NLRP8: variants seen among roughly 807,000 people sequenced by gnomAD.
The protein encoded by NLRP8 is NACHT, LRR and PYD domains-containing protein 8.
NLRP8 carries 86 observed loss-of-function variants against 88.7 expected under a neutral mutation model. The ratio of observed to expected loss-of-function variants is 0.97; its 90% CI spans 0.81 to 1.16. NLRP8 has a LOEUF of 1.16. Ranked by LOEUF, NLRP8 falls within the 50% of genes most tolerant of loss-of-function variation. The pLI is 0.00. For synonymous variants in NLRP8, 504 were observed against 494.6 expected (o/e 1.02, Z -0.25); for missense variants, 1,342 against 1,286.5 (o/e 1.04, Z -0.66).
Position 55,948,245 on chromosome 19 carries a change from G to A in NLRP8, c.343G>A (p.Val115Ile). 1 of 1,613,652 alleles carries A rather than the reference G, an allele frequency of 6.2e-7. No homozygotes were observed. The highest frequency in any genetic ancestry group is 8.5e-7 in the Non-Finnish European group (1 of 1,179,636). The change falls in exon 1 of 10, where the codon GTT becomes ATT. Residue 115 changes from valine (V) to isoleucine (I), a missense_variant. Physicochemically the swap from Val to Ile is conservative, Grantham distance 29. Transcript: ENST00000291971. ...CATTATGAACTGTGATAAAATGTGT[G>A]TTGTAGTCCGCAGAGAGATAAATGG... is the stretch of plus-strand genomic sequence containing the variant.
intron 3 of NLRP8, among the ~76,000 whole-genome samples, chr19:55,960,899 T>C (rs995669685): frequency 1.6e-4 from 8 of 49,720 alleles, no homozygotes; most frequent in Middle Eastern, 0.022. Flanking sequence ...CTATTTCTCT[T>C]TTTTTTTTTT....
chr19:55,987,812 A>T lies in NLRP8; in HGVS notation c.3048-2A>T, dbSNP rs770107179. The T allele has an allele frequency of 6.2e-7, 1 of 1,612,300 alleles. No homozygotes were observed. The highest frequency in any genetic ancestry group is 8.5e-7 in the Non-Finnish European group (1 of 1,178,514). Reference sequence around the variant, plus strand: ...CAGCAGCCTTCCTTTACCTCCCTCCAGCTGTATTCCTGCCTGGACTCGAAT... The same window carrying T: ...CAGCAGCCTTCCTTTACCTCCCTCCTGCTGTATTCCTGCCTGGACTCGAAT... On this transcript the variant is annotated splice_acceptor_variant, in intron 9 of 9. Coordinates refer to ENST00000291971, the MANE Select transcript of NLRP8 (RefSeq NM_176811.2). LOFTEE classifies it high-confidence loss of function.
chr19:55,961,987 G>A lies in NLRP8; in HGVS notation c.2043-80G>A, dbSNP rs564446205. The A allele has an allele frequency of 1.0e-5, 15 of 1,454,448 alleles. No homozygotes were observed. In the South Asian group the frequency reaches 1.9e-4, roughly 19 times the overall value. The allele number at this position is 1,454,448 out of a possible 1,614,324, so 90.1% of individuals were successfully genotyped here. On this transcript the variant is annotated intron_variant, in intron 3 of 9. Transcript: ENST00000291971. The stretch of plus-strand genomic sequence containing the variant: ...GGCCTATGGCCCTAACCAGGATAGG[G>A]AACACCAGCCCTGGGGTTTCCTAGT...
At chr19:55,956,140 C>T (rs754970152) in intron 3 of NLRP8, 40 bp downstream of exon 3, 19 of 1,567,810 alleles carry the variant, frequency 1.2e-5, no homozygotes, top group African/African-American at 5.5e-5. Context: ...CCGTCCTACC[C>T]GGAGGCCTTG....
rs74720960 is a variant in NLRP8 at position 55,973,923 on chromosome 19, C to A, written c.2705+101C>A. On this transcript the variant is annotated intron_variant, in intron 7 of 9. Transcript: ENST00000291971. ...ATTTATGTCACATATTTATTAAGTG[C>A]CTACTGCGTGTTAGGCATGGTGCTA... 1.2e-3 allele frequency: 1,420 copies of A among 1,182,938 alleles called. 25 individuals are homozygous for A. The East Asian group carries it at 0.032, about 26-fold the overall frequency. The allele number at this position is 1,182,938 out of a possible 1,614,324, so 73.3% of individuals were successfully genotyped here.
chr19:55,988,280 A>G lies in NLRP8; in HGVS notation c.*367A>G, dbSNP rs1454578072. On this transcript the variant is annotated 3_prime_UTR_variant, in exon 10 of 10. Coordinates refer to ENST00000291971, the MANE Select transcript of NLRP8 (RefSeq NM_176811.2). ...CGTGGTGGTGGGCTCCTGTAATCCCAGCTGCTCGGGAGGCTGAGGCAGGAG... is the reference window on the plus strand; with the variant it reads ...CGTGGTGGTGGGCTCCTGTAATCCCGGCTGCTCGGGAGGCTGAGGCAGGAG... 1 of 163,426 alleles carries G rather than the reference A, an allele frequency of 6.1e-6. No homozygotes were observed. Among genetic ancestry groups the G allele is most frequent in the Non-Finnish European group, 1.3e-5 (1 of 75,392 alleles). The allele number at this position is 163,426 out of a possible 1,614,324, so 10.1% of individuals were successfully genotyped here.
intron 1 of NLRP8, among the ~76,000 whole-genome samples, chr19:55,950,777 C>A (rs80121358): frequency 0.042 from 6,439 of 152,200 alleles, 456 homozygotes; most frequent in African/African-American, 0.14. Flanking sequence ...ATAATCCCAG[C>A]AGTCTGAAAG....
chr19:55,987,819 T>C lies in NLRP8; in HGVS notation c.3053T>C (p.Ile1018Thr), dbSNP rs773968939. ...CTTCCTTTACCTCCCTCCAGCTGTA[T>C]TCCTGCCTGGACTCGAATAACTAGC... Residue 1018 changes from isoleucine to threonine, a missense_variant, in exon 10 of 10, where the codon ATT (isoleucine) becomes ACT (threonine). Physicochemically the swap from Ile to Thr is moderately conservative, Grantham distance 89. Transcript: ENST00000291971. The C allele has an allele frequency of 6.2e-7, 1 of 1,613,452 alleles. No individual in the cohort carries two copies.
rs753451588 is a variant in NLRP8 at position 55,976,317 on chromosome 19, C to T, written c.2876+14C>T. ...ACAGATCCTGGAGTAAGTGGCCCCT[C>T]GTCTCCTCCTGTGAGACCAGGAGAA... On this transcript the variant is annotated intron_variant, in intron 8 of 9. Coordinates refer to ENST00000291971, the MANE Select transcript of NLRP8 (RefSeq NM_176811.2). 7.3e-5 allele frequency: 115 copies of T among 1,585,372 alleles called. No individual in the cohort carries two copies. Among genetic ancestry groups the T allele is most frequent in the Admixed American group, 9.5e-5 (5 of 52,694 alleles).
chr19:55,979,700 C>T, intron 9 of NLRP8, 136 bp downstream of exon 9: 1 of 923,384 alleles, frequency 1.1e-6, no homozygotes, highest in Non-Finnish European at 1.6e-6. Context: ...AGGCAGATCG[C>T]TTGAGTCTGG....
chr19:55,983,931 TC>T (rs2123232925), intron 9 of NLRP8, among the ~76,000 whole-genome samples: 1 of 152,040 alleles, frequency 6.6e-6, no homozygotes, highest in Admixed American at 6.6e-5. Flanking sequence ...AGGAAGGGCT[TC>T]TAAAAAATTA....
chr19:55,978,662 T>G (rs1753283247), intron 8 of NLRP8, among the ~76,000 whole-genome samples: 1 of 152,200 alleles, frequency 6.6e-6, no homozygotes. Flanking sequence ...GCATCGTATT[T>G]ATGATACACG....
chr19:55,982,556 A>G (rs1980618806), intron 9 of NLRP8, among the ~76,000 whole-genome samples: 1 of 152,250 alleles, frequency 6.6e-6, no homozygotes, highest in African/African-American at 2.4e-5. Context: ...AAAGGAACCA[A>G]GAATCTTCAG....
At position 55,952,787 on chromosome 19, in the gene NLRP8, G is replaced by A. The variant is rs117501440; in HGVS notation, c.442+175G>A. On this transcript the variant is annotated intron_variant, in intron 2 of 9. Transcript: ENST00000291971. ...CTAAAAACACAGAAACTAGCCGGGC[G>A]TGGTGGCAGTTGCCTGTAGTCCCAG... Among the ~76,000 whole-genome samples the A allele has an allele frequency of 9.9e-3, 1,503 of 152,278 alleles. 50 individuals carry two copies. Among genetic ancestry groups the A allele is most frequent in the East Asian group, 0.061 (315 of 5,176 alleles).
chr19:55,971,765 G>A (rs554594023), intron 6 of NLRP8, among the ~76,000 whole-genome samples: 4 of 152,214 alleles, frequency 2.6e-5, no homozygotes, highest in South Asian at 4.1e-4. Context: ...CAGAGTGTAC[G>A]AATTGGCCAG....
intron 8 of NLRP8, among the ~76,000 whole-genome samples, chr19:55,977,235 A>G (rs1980387317): frequency 6.8e-6 from 1 of 146,344 alleles, no homozygotes; most frequent in Non-Finnish European, 1.5e-5. Context: ...ATATGTATAT[A>G]AAGATACATA....
intron 9 of NLRP8, among the ~76,000 whole-genome samples, chr19:55,982,949 A>AAAT (rs527936360): frequency 1.1e-4 from 17 of 152,126 alleles, no homozygotes; most frequent in South Asian, 4.1e-4. Context: ...TGTCTCTGAA[A>AAAT]AATAATAATA....
chr19:55,982,945 T>C (rs1057017987), intron 9 of NLRP8, among the ~76,000 whole-genome samples: 2 of 151,632 alleles, frequency 1.3e-5, no homozygotes, highest in Non-Finnish European at 2.9e-5. Context: ...ACCCTGTCTC[T>C]GAAAAATAAT....
rs3055401 is a variant in NLRP8 at position 55,988,229 on chromosome 19, TA to T, written c.*327del. On this transcript the variant is annotated 3_prime_UTR_variant, in exon 10 of 10. Coordinates refer to ENST00000291971, the MANE Select transcript of NLRP8 (RefSeq NM_176811.2). ...CAACATGGTGAAACCCCGCCTCTAC[TA>T]AAAAAAAAAATACAAAAAATTAGGC... The T allele has an allele frequency of 2.5e-3, 371 of 150,904 alleles. No homozygotes were observed. Among genetic ancestry groups the T allele is most frequent in the South Asian group, 5.0e-3 (25 of 5,048 alleles). The allele number at this position is 150,904 out of a possible 1,614,324, so 9.3% of individuals were successfully genotyped here.
Sources: gnomAD v4.1 joint callset for allele counts (sites outside exome capture counted in the v4.1 genomes callset) on GRCh38, gnomAD v4.1.1 for gene constraint, MANE v1.5 for transcripts, NCBI Gene and HGNC (gene_info 2026-07-23, HGNC 2026-07-21) for gene names.